Variants in ENTPD1 observed in about 807,000 individuals in gnomAD.
The protein encoded by ENTPD1 is ATP diphosphohydrolase.
A neutral mutation model predicts 57.0 loss-of-function variants in ENTPD1; 33 were observed. The ratio of observed to expected loss-of-function variants is 0.58; its 90% CI spans 0.44 to 0.77. The LOEUF (loss-of-function observed/expected upper bound fraction) is 0.77. Among genes scored for constraint, ENTPD1 ranks in the 30% least tolerant of loss-of-function variants. ENTPD1 has a pLI of 0.00. For missense variants in ENTPD1, 501 were observed against 603.4 expected, an observed-to-expected ratio of 0.83 and a Z score of 1.78; for synonymous variants, 202 against 218.8, an observed-to-expected ratio of 0.92 and a Z score of 0.68.
At chr10:95,859,891 G>A (rs1256343246) in intron 7 of ENTPD1, among the ~76,000 whole-genome samples, 2 of 151,894 alleles carry the variant, frequency 1.3e-5, no homozygotes, top group African/African-American at 4.8e-5. Context: ...TTTTTTTATA[G>A]TTCTTATGTT....
chr10:95,876,374 C>G lies in ENTPD1; in HGVS notation c.*9991C>G. ...ATTCTTAGAATGAACTACTCAGCAC[C>G]AATTCTAAGTTTTTCTTGATGGTAA... is the stretch of plus-strand genomic sequence containing the variant. On this transcript the variant is annotated 3_prime_UTR_variant, in exon 10 of 10. Transcript: ENST00000371205. 4.9e-6 allele frequency: 6 copies of G among 1,231,276 alleles called. No individual in the cohort carries two copies. The highest frequency in any genetic ancestry group is 6.1e-6 in the Non-Finnish European group (6 of 987,722). 76.3% of individuals were successfully genotyped at this position (1,231,276 alleles called of 1,614,324 possible).
chr10:95,788,215 A>G lies in ENTPD1; in HGVS notation c.16+31960A>G, dbSNP rs1310337059. Among the ~76,000 whole-genome samples the G allele has an allele frequency of 2.6e-5, 4 of 152,216 alleles. 1 individual carries two copies. In the East Asian group the frequency reaches 7.7e-4, roughly 29 times the overall value. ...GACACATGGCCTCAATTTTTTAAGAAGGCAGATTTAAAAATAAATACATGC... is the reference window on the plus strand; with the variant it reads ...GACACATGGCCTCAATTTTTTAAGAGGGCAGATTTAAAAATAAATACATGC... On this transcript the variant is annotated intron_variant, in intron 1 of 9. Coordinates refer to ENST00000371205, the MANE Select transcript of ENTPD1 (RefSeq NM_001776.6).
At chr10:95,797,221 T>C (rs2098230069) in intron 1 of ENTPD1, among the ~76,000 whole-genome samples, 1 of 152,140 alleles carries the variant, frequency 6.6e-6, no homozygotes, top group Non-Finnish European at 1.5e-5. Context: ...TAGCCAATTA[T>C]GCGAAAAGAT....
intron 3 of ENTPD1, among the ~76,000 whole-genome samples, chr10:95,840,700 T>C (rs1169111851): frequency 1.3e-5 from 2 of 152,216 alleles, no homozygotes; most frequent in Non-Finnish European, 2.9e-5. Flanking sequence ...TTTTTTCTTT[T>C]AAGGTCATAA....
upstream of ENTPD1, chr10:95,755,689 T>C: frequency 6.5e-7 from 1 of 1,537,206 alleles, no homozygotes; most frequent in Non-Finnish European, 8.7e-7. Context: ...TGAGAAAGGA[T>C]TGCTGGTCAT....
At chr10:95,741,136 T>G (rs1466680175) in intron 1 of ENTPD1, among the ~76,000 whole-genome samples, 1 of 152,234 alleles carries the variant, frequency 6.6e-6, no homozygotes, top group Non-Finnish European at 1.5e-5. Context: ...ATGCCTTCCT[T>G]GCTAAGCTTA....
At chr10:95,843,004 G>T (rs1392872037) in intron 4 of ENTPD1, among the ~76,000 whole-genome samples, 1 of 152,200 alleles carries the variant, frequency 6.6e-6, no homozygotes, top group Non-Finnish European at 1.5e-5. Flanking sequence ...TCAATGCAGG[G>T]TGATCAGTGT....
chr10:95,788,303 C>A (rs180790010), intron 1 of ENTPD1, among the ~76,000 whole-genome samples: 11 of 152,122 alleles, frequency 7.2e-5, no homozygotes. Flanking sequence ...ATCAAATTTA[C>A]TAAAAAGAAT....
At position 95,844,599 on chromosome 10, in the gene ENTPD1, G is replaced by T. The variant is rs2140853040; in HGVS notation, c.537G>T (p.Trp179Cys). Reference protein sequence around the residue: ...ITGQEEGAYGWITINYLLGKF... With the variant: ...ITGQEEGAYGCITINYLLGKF... ...GCCAAGAGGAAGGTGCCTATGGCTGGATTACTATCAACTATCTGCTGGGCA... is the reference window on the plus strand; with the variant it reads ...GCCAAGAGGAAGGTGCCTATGGCTGTATTACTATCAACTATCTGCTGGGCA... Residue 179 changes from tryptophan to cysteine, a missense_variant, in exon 5 of 10, where the codon TGG becomes TGT. Coordinates refer to ENST00000371205, the MANE Select transcript of ENTPD1 (RefSeq NM_001776.6). 1 of 1,614,180 alleles carries T rather than the reference G, an allele frequency of 6.2e-7. No homozygotes were observed. Among genetic ancestry groups the T allele is most frequent in the Non-Finnish European group, 8.5e-7 (1 of 1,180,034 alleles).
At chr10:95,779,425 T>C (rs903351989) in intron 1 of ENTPD1, among the ~76,000 whole-genome samples, 1 of 152,186 alleles carries the variant, frequency 6.6e-6, no homozygotes, top group Non-Finnish European at 1.5e-5. Flanking sequence ...TAAGGGTGTG[T>C]CTATAACTTA....
At chr10:95,829,489 A>G (rs1205273699) in intron 2 of ENTPD1, among the ~76,000 whole-genome samples, 1 of 152,220 alleles carries the variant, frequency 6.6e-6, no homozygotes. Context: ...GGGCAGAAAT[A>G]GAGAGATAAG....
At chr10:95,825,914 T>C (rs1483521765) in intron 2 of ENTPD1, among the ~76,000 whole-genome samples, 1 of 152,222 alleles carries the variant, frequency 6.6e-6, no homozygotes, top group Non-Finnish European at 1.5e-5. Context: ...TGACATGACT[T>C]TATGACCATA....
intron 1 of ENTPD1, among the ~76,000 whole-genome samples, chr10:95,716,055 G>A (rs1048881081): frequency 5.9e-5 from 9 of 152,158 alleles, no homozygotes; most frequent in African/African-American, 2.2e-4. Flanking sequence ...TGTGCAGTCA[G>A]GGGTCCCACT....
chr10:95,872,624 TG>T lies in ENTPD1; in HGVS notation c.*6242del. 2 of 985,390 alleles carry T rather than the reference TG, an allele frequency of 2.0e-6. No individual in the cohort carries two copies. Among genetic ancestry groups the T allele is most frequent in the African/African-American group, 1.7e-5 (1 of 57,330 alleles). The allele number at this position is 985,390 out of a possible 1,614,324, so 61.0% of individuals were successfully genotyped here. A position where few individuals can be genotyped will look rare whatever the true frequency, so the allele number is the denominator to read the frequency against. The stretch of plus-strand genomic sequence containing the variant: ...TCAGTGTCTGGGTGAAGCTTCCTGG[TG>T]AAAAATATGTTACCTATTTCTTTCT... On this transcript the variant is annotated 3_prime_UTR_variant, in exon 10 of 10. Coordinates refer to ENST00000371205, the MANE Select transcript of ENTPD1 (RefSeq NM_001776.6).
At chr10:95,822,944 A>T (rs1358485171) in intron 1 of ENTPD1, among the ~76,000 whole-genome samples, 1 of 152,210 alleles carries the variant, frequency 6.6e-6, no homozygotes. Flanking sequence ...GTGAACTGTT[A>T]AACAGCCAAT....
At chr10:95,764,698 C>G (rs928695485) in intron 1 of ENTPD1, among the ~76,000 whole-genome samples, 2 of 149,616 alleles carry the variant, frequency 1.3e-5, no homozygotes, top group Admixed American at 6.7e-5. Flanking sequence ...TGGAAAAATG[C>G]CTGTTCAGAT....
At chr10:95,828,295 T>G (rs2140637250) in intron 2 of ENTPD1, among the ~76,000 whole-genome samples, 1 of 152,330 alleles carries the variant, frequency 6.6e-6, no homozygotes, top group African/African-American at 2.4e-5. Context: ...TAATGCCGGA[T>G]GATCTGTCAC....
chr10:95,858,203 T>C (rs940979160), intron 7 of ENTPD1, among the ~76,000 whole-genome samples: 7 of 148,766 alleles, frequency 4.7e-5, no homozygotes, highest in Non-Finnish European at 8.9e-5. Context: ...GACAGTCCTG[T>C]GAAAGCAGAT....
chr10:95,861,649 T>G (rs1301637326), intron 8 of ENTPD1: 1 of 151,986 alleles, frequency 6.6e-6, no homozygotes, highest in Non-Finnish European at 1.5e-5. Context: ...TTAGCGGTGG[T>G]TTTTTGCATC....
Sources: allele counts gnomAD v4.1 joint callset (sites outside exome capture counted in the v4.1 genomes callset), GRCh38; gene constraint gnomAD v4.1.1; transcripts MANE v1.5; gene names NCBI Gene and HGNC (gene_info 2026-07-23, HGNC 2026-07-21).